Variants in RUBCN observed in about 807,000 individuals in gnomAD.
RUBCN encodes the protein run domain Beclin-1-interacting and cysteine-rich domain-containing protein.
Under a neutral mutation model 113.2 loss-of-function variants are expected in RUBCN, and 74 were observed. The observed-to-expected ratio is 0.65, with a 90% CI of 0.54 to 0.79. RUBCN has a LOEUF of 0.79. Ranked by LOEUF, RUBCN falls within the 30% of genes least tolerant of loss-of-function variation. RUBCN has a pLI of 0.00. For synonymous variants in RUBCN, 480 were observed against 490.0 expected, an observed-to-expected ratio of 0.98 and a Z score of 0.27; for missense variants, 1,109 against 1,251.7, an observed-to-expected ratio of 0.89 and a Z score of 1.72.
intron 2 of RUBCN, among the ~76,000 whole-genome samples, chr3:197,712,016 A>G (rs1187456866): frequency 1.3e-5 from 2 of 152,180 alleles, no homozygotes; most frequent in Non-Finnish European, 1.5e-5. Flanking sequence ...CAAAGAAAAT[A>G]TATTACCTAC....
upstream of RUBCN, among the ~76,000 whole-genome samples, chr3:197,739,510 G>C (rs889551170): frequency 6.7e-6 from 1 of 149,842 alleles, no homozygotes; most frequent in African/African-American, 2.5e-5. Context: ...TGGCTGACAC[G>C]GTGAAACCCC....
chr3:197,743,559 G>A (rs986647115), intron 1 of RUBCN, among the ~76,000 whole-genome samples: 2 of 152,286 alleles, frequency 1.3e-5, no homozygotes, highest in Non-Finnish European at 1.5e-5. Flanking sequence ...CAGCAAAGTG[G>A]CAAAGAAAAG....
intron 11 of RUBCN, among the ~76,000 whole-genome samples, chr3:197,684,429 T>A (rs1215883049): frequency 6.6e-6 from 1 of 152,144 alleles, no homozygotes; most frequent in African/African-American, 2.4e-5. Flanking sequence ...ACATTATGCA[T>A]AGCACTGAAA....
chr3:197,691,803 C>T (rs1580211636), intron 11 of RUBCN, among the ~76,000 whole-genome samples: 1 of 152,168 alleles, frequency 6.6e-6, no homozygotes, highest in East Asian at 1.9e-4. Flanking sequence ...ACTGCTGATC[C>T]TGGGAGTGAG....
intron 2 of RUBCN, among the ~76,000 whole-genome samples, chr3:197,715,899 T>TAGTA (rs1270317284): frequency 6.6e-6 from 1 of 152,178 alleles, no homozygotes; most frequent in African/African-American, 2.4e-5. Context: ...GAAGTAAAGA[T>TAGTA]AGTAATAACA....
intron 4 of RUBCN, 143 bp downstream of exon 4, chr3:197,704,399 A>C (rs1240647657): frequency 1.2e-6 from 1 of 808,270 alleles, no homozygotes; most frequent in Non-Finnish European, 2.2e-6. Context: ...ACGCCATTGC[A>C]CTCCAGCCTG....
At chr3:197,682,255 C>T (rs1484912126) in intron 14 of RUBCN, among the ~76,000 whole-genome samples, 1 of 152,102 alleles carries the variant, frequency 6.6e-6, no homozygotes, top group Non-Finnish European at 1.5e-5. Flanking sequence ...GTTGGGAATG[C>T]CAGCAAAACA....
upstream of RUBCN, among the ~76,000 whole-genome samples, chr3:197,741,830 C>T (rs1046471056): frequency 5.9e-5 from 8 of 135,752 alleles, no homozygotes; most frequent in African/African-American, 1.6e-4. Context: ...GACTCCATCT[C>T]AAAAAAAAAA....
At chr3:197,725,008 G>A (rs1368378317) in intron 1 of RUBCN, among the ~76,000 whole-genome samples, 1 of 151,914 alleles carries the variant, frequency 6.6e-6, no homozygotes, top group East Asian at 1.9e-4. Flanking sequence ...GCAAAATCTC[G>A]TCTCTACAAA....
Position 197,675,646 on chromosome 3 carries a change from C to T in RUBCN, c.2647-131G>A, listed in dbSNP as rs1352285927. ...ACAGGGAGGAGGCCTGGGCTGGACTCAGAAGCATGAAAGCTAAACTAGGAC... is the reference window on the plus strand; with the variant it reads ...ACAGGGAGGAGGCCTGGGCTGGACTTAGAAGCATGAAAGCTAAACTAGGAC... On this transcript the variant is annotated intron_variant, in intron 18 of 19. Coordinates refer to ENST00000296343, the MANE Select transcript of RUBCN (RefSeq NM_014687.4). This position sits in a 1 kb window ranked among gnomAD's most constrained non-coding sequence, Gnocchi z 4.4. 1 of 738,882 alleles carries T rather than the reference C, an allele frequency of 1.4e-6. No homozygotes were observed. Among genetic ancestry groups the T allele is most frequent in the African/African-American group, 1.7e-5 (1 of 57,814 alleles). 45.8% of individuals were successfully genotyped at this position (738,882 alleles called of 1,614,324 possible).
intron 17 of RUBCN, among the ~76,000 whole-genome samples, chr3:197,677,271 G>A (rs1720545816): frequency 6.6e-6 from 1 of 152,204 alleles, no homozygotes; most frequent in Non-Finnish European, 1.5e-5. Flanking sequence ...TGGGAAGAGA[G>A]GTGGCCTGTC....
In RUBCN at chr3:197,697,672, G is replaced by A. The variant is rs377676910; in HGVS notation, c.1262-623C>T. On this transcript the variant is annotated intron_variant, in intron 7 of 19. Coordinates refer to ENST00000296343, the MANE Select transcript of RUBCN (RefSeq NM_014687.4). ...AGACAATGCCTGGGACAGGAAGAGCGAGAGCTGGGAGGGAGAACAGTAGCA... is the reference window on the plus strand; with the variant it reads ...AGACAATGCCTGGGACAGGAAGAGCAAGAGCTGGGAGGGAGAACAGTAGCA... Among the ~76,000 whole-genome samples, 17 of 152,302 alleles carry A rather than the reference G, an allele frequency of 1.1e-4. No individual in the cohort carries two copies. The South Asian group carries it at 3.1e-3, about 28-fold the overall frequency.
chr3:197,686,659 G>C (rs1390864049), intron 11 of RUBCN, among the ~76,000 whole-genome samples: 1 of 152,234 alleles, frequency 6.6e-6, no homozygotes, highest in Non-Finnish European at 1.5e-5. Context: ...TGAAGAGAGG[G>C]GGAGCTGCCC....
At chr3:197,719,476 CAAAAAAAAAAAA>C (rs369029082) in intron 1 of RUBCN, among the ~76,000 whole-genome samples, 3 of 54,264 alleles carry the variant, frequency 5.5e-5, no homozygotes, top group South Asian at 1.4e-3. Flanking sequence ...GAGATTGTCT[CAAAAAAAAAAAA>C]AAAAAAAAAA....
intron 11 of RUBCN, among the ~76,000 whole-genome samples, 193 bp downstream of exon 11, chr3:197,693,522 G>C (rs543772439): frequency 2.2e-4 from 34 of 152,326 alleles, no homozygotes; most frequent in African/African-American, 8.2e-4. Context: ...CATCCACCTG[G>C]AACACCTGCT....
intron 1 of RUBCN, among the ~76,000 whole-genome samples, chr3:197,732,764 G>A (rs1011088980): frequency 8.5e-5 from 13 of 152,140 alleles, no homozygotes; most frequent in Non-Finnish European, 1.8e-4. Flanking sequence ...GCACACTACC[G>A]GGGAAGTGGG....
chr3:197,723,125 A>G (rs1013834598), intron 1 of RUBCN, among the ~76,000 whole-genome samples: 3 of 152,166 alleles, frequency 2.0e-5, no homozygotes, highest in Admixed American at 1.3e-4. Context: ...CTTTGTAGTC[A>G]GCATGAGGCT....
At chr3:197,710,078 G>C (rs2108934142) in intron 2 of RUBCN, among the ~76,000 whole-genome samples, 1 of 151,958 alleles carries the variant, frequency 6.6e-6, no homozygotes, top group South Asian at 2.1e-4. Context: ...GCTGAGACGG[G>C]AGAATTGCTT....
chr3:197,703,749 G>A, intron 4 of RUBCN, 95 bp from the exon 5 acceptor site: 2 of 776,442 alleles, frequency 2.6e-6, no homozygotes, highest in East Asian at 2.6e-5. Context: ...GGATGAATGA[G>A]GAGGAGGGTG....
Sources: allele counts gnomAD v4.1 joint callset (sites outside exome capture counted in the v4.1 genomes callset), GRCh38; gene constraint gnomAD v4.1.1; non-coding constraint Gnocchi (gnomAD v3.1); transcripts MANE v1.5; gene names NCBI Gene and HGNC (gene_info 2026-07-23, HGNC 2026-07-21).